The following USP30 variants were observed in gnomAD, a reference collection of about 807,000 sequenced individuals.
The protein encoded by USP30 is ubiquitin carboxyl-terminal hydrolase 30.
USP30 carries 41 observed loss-of-function variants against 68.2 expected under a neutral mutation model. The ratio of observed to expected loss-of-function variants is 0.60; its 90% CI spans 0.47 to 0.78. The LOEUF (loss-of-function observed/expected upper bound fraction) is 0.78, where lower values mean the gene tolerates loss of function less well. USP30 is among the 30% of genes least tolerant of loss of function. The probability of loss-of-function intolerance (pLI) is 0.00; values close to 1 mark genes in which losing one functional copy is unlikely to be tolerated. For synonymous variants in USP30, 229 were observed against 253.7 expected (o/e 0.90, Z 0.93); for missense variants, 522 against 649.4 (o/e 0.80, Z 2.13).
intron 7 of USP30, among the ~76,000 whole-genome samples, chr12:109,079,475 C>T (rs945540685): frequency 2.0e-5 from 3 of 150,182 alleles, no homozygotes; most frequent in Non-Finnish European, 4.4e-5. Context: ...GTTATCCTCC[C>T]ACCTTAGCCC....
intron 3 of USP30, among the ~76,000 whole-genome samples, chr12:109,034,219 T>C: frequency 6.6e-6 from 1 of 152,272 alleles, no homozygotes. Flanking sequence ...TTAATGTTTC[T>C]CTTACCTATT....
chr12:109,049,552 C>T (rs1055569005), upstream of USP30, among the ~76,000 whole-genome samples: 3 of 152,156 alleles, frequency 2.0e-5, no homozygotes, highest in African/African-American at 7.2e-5. Flanking sequence ...CGGTGGCTCA[C>T]GCCTGTAATC....
chr12:109,057,747 T>C (rs908193976), intron 2 of USP30, among the ~76,000 whole-genome samples, 179 bp from the exon 3 acceptor site: 2 of 152,218 alleles, frequency 1.3e-5, no homozygotes, highest in African/African-American at 4.8e-5. Context: ...TGCGGAGCAG[T>C]ACTAGAACCA....
At position 109,070,579 on chromosome 12, in the gene USP30, A is replaced by C. The variant is rs2041408204; in HGVS notation, c.481-1033A>C. The stretch of plus-strand genomic sequence containing the variant: ...AGTAGTGGAAGCCATTGGAAAGCTA[A>C]AAGCAGAAGAGTAAAGCTATCTGCC... On this transcript the variant is annotated intron_variant, in intron 4 of 12. Coordinates refer to ENST00000257548, the MANE Select transcript of USP30 (RefSeq NM_032663.5). This position sits in a 1 kb window ranked among gnomAD's most constrained non-coding sequence, Gnocchi z 4.0. Among the ~76,000 whole-genome samples the C allele has an allele frequency of 6.6e-6, 1 of 152,210 alleles. No individual in the cohort carries two copies. Among genetic ancestry groups the C allele is most frequent in the South Asian group, 2.1e-4 (1 of 4,832 alleles).
intron 7 of USP30, 32 bp downstream of exon 7, chr12:109,073,564 G>T (rs747712472): frequency 6.3e-7 from 1 of 1,584,284 alleles, no homozygotes; most frequent in South Asian, 1.1e-5. Flanking sequence ...GATATTTCCG[G>T]GAGAGGTTTT....
chr12:109,037,562 T>A (rs2040530802), intron 3 of USP30, among the ~76,000 whole-genome samples: 1 of 152,218 alleles, frequency 6.6e-6, no homozygotes, highest in East Asian at 1.9e-4. Flanking sequence ...TCCTCCCTCC[T>A]CAGGGCTTGT....
intron 3 of USP30, among the ~76,000 whole-genome samples, chr12:109,041,264 A>G (rs562867582): frequency 1.3e-5 from 2 of 152,280 alleles, no homozygotes; most frequent in South Asian, 4.2e-4. Context: ...CAACCCATAA[A>G]TTAACAACAA....
At chr12:109,024,589 G>A (rs1367566002) in intron 1 of USP30, among the ~76,000 whole-genome samples, 4 of 151,276 alleles carry the variant, frequency 2.6e-5, no homozygotes, top group African/African-American at 9.7e-5. Flanking sequence ...CAACTTGGTG[G>A]GTTTAAGGAA....
intron 1 of USP30, chr12:109,054,056 A>G (rs1247248805): frequency 4.4e-6 from 2 of 455,948 alleles, no homozygotes; most frequent in Admixed American, 2.4e-5. Flanking sequence ...AGATTGTCAC[A>G]GGGCCTGGCA....
At chr12:109,025,095 G>A (rs2040434904) in intron 2 of USP30, 1 of 152,146 alleles carries the variant, frequency 6.6e-6, no homozygotes, top group South Asian at 2.1e-4. Context: ...CTTTCTCCAG[G>A]AGCTGTTTCT....
Position 109,055,815 on chromosome 12 carries a change from TA to T in USP30, c.84-853del, listed in dbSNP as rs779280314. ...GAGACAGACAACAAACCCAGTGCAT[TA>T]AAAAAAAAAAAAAGAAAAGAAAAAA... On this transcript the variant is annotated intron_variant, in intron 1 of 12. Transcript: ENST00000257548. 9.2e-3 allele frequency among the ~76,000 whole-genome samples: 1,195 copies of T among 129,376 alleles called. 9 individuals are homozygous for T. Among genetic ancestry groups the T allele is most frequent in the South Asian group, 0.024 (95 of 3,944 alleles). 84.9% of individuals were successfully genotyped at this position (129,376 alleles called of 152,430 possible).
chr12:109,057,897 T>G (rs775473758), intron 2 of USP30, 29 bp from the exon 3 acceptor site: 2 of 1,603,886 alleles, frequency 1.2e-6, no homozygotes, highest in Non-Finnish European at 1.7e-6. Context: ...TGATATACTG[T>G]TCTCTTCTTC....
chr12:109,065,332 C>A (rs945239652), intron 3 of USP30, among the ~76,000 whole-genome samples: 2 of 152,228 alleles, frequency 1.3e-5, no homozygotes, highest in Non-Finnish European at 1.5e-5. Context: ...ATCCAGCCCA[C>A]CACCTGTTTT....
intron 3 of USP30, among the ~76,000 whole-genome samples, chr12:109,061,830 T>C (rs1270975264): frequency 6.6e-6 from 1 of 152,204 alleles, no homozygotes; most frequent in Non-Finnish European, 1.5e-5. Flanking sequence ...CCCCTCCACC[T>C]TTCCCAAAAG....
chr12:109,075,805 A>G (rs1593283072), intron 7 of USP30, among the ~76,000 whole-genome samples: 1 of 145,286 alleles, frequency 6.9e-6, no homozygotes, highest in East Asian at 2.0e-4. Flanking sequence ...GTGTCTGTTC[A>G]GCTCCTTTGC....
intron 11 of USP30, 41 bp downstream of exon 11, chr12:109,083,103 C>T (rs1185506759): frequency 1.9e-6 from 3 of 1,550,208 alleles, no homozygotes; most frequent in South Asian, 1.2e-5. Flanking sequence ...GAATTTTCAG[C>T]ACAGAGAAAA....
intron 3 of USP30, among the ~76,000 whole-genome samples, chr12:109,063,108 T>A (rs940593668): frequency 1.2e-4 from 5 of 41,702 alleles, no homozygotes; most frequent in South Asian, 1.1e-3. Context: ...TTCTTTCTAT[T>A]TTTTTTTTTA....
chr12:109,076,302 G>A (rs1310114778), intron 7 of USP30, among the ~76,000 whole-genome samples: 1 of 152,024 alleles, frequency 6.6e-6, no homozygotes. Flanking sequence ...TCTAGAAGCT[G>A]TAGAAGTTTT....
Position 109,056,781 on chromosome 12 carries a change from G to A in USP30, c.183G>A (p.Lys61=). The change falls in exon 2 of 13, where the codon AAG becomes AAA. Residue 61 remains lysine, a synonymous_variant. Transcript: ENST00000257548. ...VIWGPITERK[K]RRKGLVPGLV... Reference sequence around the variant, plus strand: ...GGGGTCCCATTACAGAAAGAAAGAAGCGTAGAAAAGGTAAGAATGAGAACA... The same window carrying A: ...GGGGTCCCATTACAGAAAGAAAGAAACGTAGAAAAGGTAAGAATGAGAACA... 1 of 1,609,008 alleles carries A rather than the reference G, an allele frequency of 6.2e-7. No individual in the cohort carries two copies.
Sources: allele counts gnomAD v4.1 joint callset (sites outside exome capture counted in the v4.1 genomes callset), GRCh38; gene constraint gnomAD v4.1.1; non-coding constraint Gnocchi (gnomAD v3.1); transcripts MANE v1.5; gene names NCBI Gene and HGNC (gene_info 2026-07-23, HGNC 2026-07-21).